The following UBE2C variants were observed in gnomAD, a reference collection of about 807,000 sequenced individuals.
UBE2C encodes the protein ubiquitin-conjugating enzyme E2 C.
Under a neutral mutation model 23.5 loss-of-function variants are expected in UBE2C, and 16 were observed. The observed-to-expected ratio is 0.68, with a 90% confidence interval of 0.46 to 1.03. UBE2C has a LOEUF of 1.03. UBE2C is among the 50% of genes least tolerant of loss of function. UBE2C has a pLI of 0.00. For synonymous variants in UBE2C, 76 were observed against 91.6 expected, an observed-to-expected ratio of 0.83 and a Z score of 0.97; for missense variants, 192 against 227.6, an observed-to-expected ratio of 0.84 and a Z score of 1.01.
At chr20:45,813,380 C>G (rs1254915062) in intron 1 of UBE2C, 57 bp from the exon 2 acceptor site, 1 of 1,613,266 alleles carries the variant, frequency 6.2e-7, no homozygotes, top group East Asian at 2.2e-5. Flanking sequence ...GAAGATGCAC[C>G]GTCTGGAGGC....
At chr20:45,815,396 G>A in intron 3 of UBE2C, 145 bp from the exon 4 acceptor site, 1 of 1,596,968 alleles carries the variant, frequency 6.3e-7, no homozygotes, top group Non-Finnish European at 8.5e-7. Context: ...AAAGGCAGTG[G>A]GGAGCATCAG....
chr20:45,816,044 C>G, intron 5 of UBE2C, 131 bp downstream of exon 5: 1 of 829,392 alleles, frequency 1.2e-6, no homozygotes, highest in Non-Finnish European at 1.9e-6. Flanking sequence ...CAACCCACTT[C>G]TGTTTCTGCC....
Position 45,816,025 on chromosome 20 carries a change from TG to T in UBE2C, c.481+113del, listed in dbSNP as rs1982516982. On this transcript the variant is annotated intron_variant, in intron 5 of 5. Transcript: ENST00000356455. ...CCGGGTTGGTTGGGGCAGGGTGGAG[TG>T]TCGGCAGCAACCCACTTCTGTTTCT... 1.2e-5 allele frequency: 14 copies of T among 1,138,256 alleles called. No individual in the cohort carries two copies. In the Admixed American group the frequency reaches 1.9e-4, roughly 16 times the overall value. The allele number at this position is 1,138,256 out of a possible 1,614,324, so 70.5% of individuals were successfully genotyped here. A position where few individuals can be genotyped will look rare whatever the true frequency, so the allele number is the denominator to read the frequency against.
Position 45,812,761 on chromosome 20 carries a change from G to T in UBE2C, c.66G>T (p.Pro22=). ...CCGCCGCCCGTAAAGGAGCTGAGCC[G>T]AGCGGGGGCGCCGCCCGGGGTCCGG... ...SVAAARKGAE[P]SGGAARGPVG... Residue 22 remains proline (P), a synonymous_variant, in exon 1 of 6, where the codon CCG becomes CCT. Transcript: ENST00000356455. 1 of 1,557,598 alleles carries T rather than the reference G, an allele frequency of 6.4e-7. No individual in the cohort carries two copies. Among genetic ancestry groups the T allele is most frequent in the East Asian group, 2.4e-5 (1 of 41,680 alleles).
rs1480771547 is a variant in UBE2C at position 45,815,535 on chromosome 20, T to C, written c.217-6T>C. ...CTTACTCTGCAACTGTTTCTCCAAATGCCAGGTATATGAAGACCTGAGGTA... is the reference window on the plus strand; with the variant it reads ...CTTACTCTGCAACTGTTTCTCCAAACGCCAGGTATATGAAGACCTGAGGTA... On this transcript the variant is annotated splice_polypyrimidine_tract_variant and splice_region_variant and intron_variant, in intron 3 of 5. Coordinates refer to ENST00000356455, the MANE Select transcript of UBE2C (RefSeq NM_007019.4). The C allele has an allele frequency of 6.2e-7, 1 of 1,614,068 alleles. No homozygotes were observed. Among genetic ancestry groups the C allele is most frequent in the Admixed American group, 1.7e-5 (1 of 60,012 alleles).
intron 1 of UBE2C, 194 bp from the exon 2 acceptor site, chr20:45,813,243 C>T: frequency 2.0e-6 from 3 of 1,490,324 alleles, no homozygotes; most frequent in Non-Finnish European, 2.7e-6. Context: ...CCGAGGGAGT[C>T]TGGAATTAGG....
intron 3 of UBE2C, 23 bp downstream of exon 3, chr20:45,814,493 T>C (rs779012204): frequency 1.3e-6 from 2 of 1,585,160 alleles, no homozygotes; most frequent in Admixed American, 3.4e-5. Context: ...CTGGGATGGG[T>C]GAGTGAGTCT....
chr20:45,814,271 C>CGCATATATATATATATATATATAT (rs1373426548), intron 2 of UBE2C, 113 bp from the exon 3 acceptor site: 2 of 339,608 alleles, frequency 5.9e-6, no homozygotes, highest in African/African-American at 5.1e-5. Flanking sequence ...TGTATGTGAG[C>CGCATATATATATATATATATATAT]ATATATATAT....
chr20:45,813,263 G>T, intron 1 of UBE2C, 174 bp from the exon 2 acceptor site: 1 of 1,507,316 alleles, frequency 6.6e-7, no homozygotes, highest in South Asian at 1.4e-5. Context: ...GGAGGGTGAG[G>T]ACTCGCTAGG....
chr20:45,813,242 T>A, intron 1 of UBE2C, 195 bp from the exon 2 acceptor site: 1 of 1,480,650 alleles, frequency 6.8e-7, no homozygotes, highest in Non-Finnish European at 8.9e-7. Flanking sequence ...CCCGAGGGAG[T>A]CTGGAATTAG....
chr20:45,813,138 C>T, intron 1 of UBE2C: 1 of 1,397,706 alleles, frequency 7.2e-7, no homozygotes, highest in Non-Finnish European at 9.3e-7. Flanking sequence ...GCTCAAGGAC[C>T]CTCGTGACTT....
chr20:45,815,880 A>G lies in UBE2C; in HGVS notation c.448A>G (p.Thr150Ala). The stretch of plus-strand genomic sequence containing the variant: ...ACCCAACATTGATAGTCCCTTGAAC[A>G]CACATGCTGCCGAGCTCTGGAAAAA... ...GEPNIDSPLN[T>A]HAAELWKNPT... Residue 150 changes from threonine to alanine, a missense_variant, in exon 5 of 6, where the codon ACA (threonine) becomes GCA (alanine). Physicochemically the swap from Thr to Ala is moderately conservative, Grantham distance 58. Coordinates refer to ENST00000356455, the MANE Select transcript of UBE2C (RefSeq NM_007019.4). 1 of 1,614,024 alleles carries G rather than the reference A, an allele frequency of 6.2e-7. No individual in the cohort carries two copies. Among genetic ancestry groups the G allele is most frequent in the Non-Finnish European group, 8.5e-7 (1 of 1,180,022 alleles).
At chr20:45,814,327 AC>A in intron 2 of UBE2C, 56 bp from the exon 3 acceptor site, 1 of 1,248,072 alleles carries the variant, frequency 8.0e-7, no homozygotes, top group Non-Finnish European at 1.1e-6. Context: ...TCACCCACTG[AC>A]CTTTGCTATG....
chr20:45,815,250 G>A, intron 3 of UBE2C: 1 of 770,910 alleles, frequency 1.3e-6, no homozygotes, highest in Non-Finnish European at 2.1e-6. Flanking sequence ...TAGGCATAGT[G>A]GCTCACACCT....
chr20:45,816,103 A>C (rs1982525513), intron 5 of UBE2C, among the ~76,000 whole-genome samples, 190 bp downstream of exon 5: 1 of 152,258 alleles, frequency 6.6e-6, no homozygotes, highest in African/African-American at 2.4e-5. Flanking sequence ...TAGCAGAATA[A>C]AAATGTTTGG....
chr20:45,814,533 C>G lies in UBE2C; in HGVS notation c.216+63C>G, dbSNP rs575412114. On this transcript the variant is annotated intron_variant, in intron 3 of 5. Coordinates refer to ENST00000356455, the MANE Select transcript of UBE2C (RefSeq NM_007019.4). ...AAAGGTGGGAAGTGAGATCCAAGTG[C>G]GAGCTCTGCTTCAAGCCTTTGGCGG... The G allele has an allele frequency of 1.4e-4, 188 of 1,359,574 alleles. 3 individuals carry two copies. In the South Asian group the frequency reaches 2.2e-3, roughly 16 times the overall value. The allele number at this position is 1,359,574 out of a possible 1,614,324, so 84.2% of individuals were successfully genotyped here. A position where few individuals can be genotyped will look rare whatever the true frequency, so the allele number is the denominator to read the frequency against.
intron 2 of UBE2C, 103 bp from the exon 3 acceptor site, chr20:45,814,281 T>C (rs1020187114): frequency 0.018 from 805 of 45,558 alleles, 5 homozygotes; most frequent in Non-Finnish European, 0.042. Flanking sequence ...CATATATATA[T>C]ATATATATAT....
At chr20:45,815,493 T>C in intron 3 of UBE2C, 48 bp from the exon 4 acceptor site, 1 of 1,614,128 alleles carries the variant, frequency 6.2e-7, no homozygotes, top group Non-Finnish European at 8.5e-7. Context: ...GGTTGGGACA[T>C]GAGGCTGCTG....
rs761402285 is a variant in UBE2C, at chr20:45,816,729, G to A, written c.502G>A (p.Glu168Lys). 1 of 1,613,794 alleles carries A rather than the reference G, an allele frequency of 6.2e-7. No homozygotes were observed. Among genetic ancestry groups the A allele is most frequent in the South Asian group, 1.1e-5 (1 of 91,048 alleles). ...TCCAGCTTTTAAGAAGTACCTGCAA[G>A]AAACCTACTCAAAGCAGGTCACCAG... is the stretch of plus-strand genomic sequence containing the variant. Reference protein sequence around the residue: ...NPTAFKKYLQETYSKQVTSQE... With the variant: ...NPTAFKKYLQKTYSKQVTSQE... The change falls in exon 6 of 6, where the codon GAA (glutamate) becomes AAA (lysine). Residue 168 changes from glutamate to lysine, a missense_variant. Physicochemically the swap from Glu to Lys is moderately conservative, Grantham distance 56. Transcript: ENST00000356455.
Sources: gnomAD v4.1 joint callset for allele counts (sites outside exome capture counted in the v4.1 genomes callset) on GRCh38, gnomAD v4.1.1 for gene constraint, MANE v1.5 for transcripts, NCBI Gene and HGNC (gene_info 2026-07-23, HGNC 2026-07-21) for gene names.